STRN: variants seen among roughly 807,000 people sequenced by gnomAD.
STRN encodes striatin, also known as protein phosphatase 2 regulatory subunit B'''alpha.
STRN carries 53 observed loss-of-function variants against 96.3 expected under a neutral mutation model. That is an observed-to-expected ratio of 0.55 (90% confidence interval 0.44 to 0.69). STRN has a LOEUF of 0.69. Ranked by LOEUF, STRN falls within the 30% of genes least tolerant of loss-of-function variation. The pLI is 0.00. For missense variants in STRN, 987 were observed against 963.9 expected (o/e 1.02, Z -0.32); for synonymous variants, 428 against 355.9 (o/e 1.20, Z -2.28).
At chr2:36,961,644 T>A (rs1665032383) in intron 1 of STRN, among the ~76,000 whole-genome samples, 1 of 152,194 alleles carries the variant, frequency 6.6e-6, no homozygotes, top group South Asian at 2.1e-4. Context: ...CCCCTGCTGC[T>A]TCTACTTGTT....
intron 15 of STRN, among the ~76,000 whole-genome samples, chr2:36,851,973 C>G (rs926184342): frequency 1.3e-5 from 2 of 152,132 alleles, no homozygotes; most frequent in African/African-American, 4.8e-5. Flanking sequence ...AAAGAAACTT[C>G]AATTATACAC....
chr2:36,917,168 GT>G (rs897854726), intron 2 of STRN, among the ~76,000 whole-genome samples: 13 of 149,046 alleles, frequency 8.7e-5, no homozygotes, highest in African/African-American at 1.2e-4. Context: ...AAATTTGAAA[GT>G]TTTTTTTTTC....
chr2:36,936,539 T>C (rs1210134059), intron 1 of STRN, among the ~76,000 whole-genome samples: 4 of 152,188 alleles, frequency 2.6e-5, no homozygotes, highest in Non-Finnish European at 4.4e-5. Flanking sequence ...ATTACATATA[T>C]AGATCAAAAT....
chr2:36,962,797 C>T (rs1051103015), intron 1 of STRN, among the ~76,000 whole-genome samples: 7 of 152,046 alleles, frequency 4.6e-5, no homozygotes, highest in Non-Finnish European at 7.4e-5. Flanking sequence ...TGTGAGCCAC[C>T]GCGCCCGGCC....
chr2:36,961,017 C>T (rs1431718632), intron 1 of STRN, among the ~76,000 whole-genome samples: 2 of 151,858 alleles, frequency 1.3e-5, no homozygotes, highest in Non-Finnish European at 2.9e-5. Context: ...CCATCTCAGC[C>T]TCACGAGTAG....
At chr2:36,950,622 A>G (rs1411681683) in intron 1 of STRN, among the ~76,000 whole-genome samples, 1 of 152,198 alleles carries the variant, frequency 6.6e-6, no homozygotes, top group South Asian at 2.1e-4. Context: ...AGCCAAGACC[A>G]TATCTGCCTC....
intron 3 of STRN, among the ~76,000 whole-genome samples, chr2:36,914,524 A>C (rs941634724): frequency 4.6e-5 from 7 of 152,230 alleles, no homozygotes; most frequent in African/African-American, 1.7e-4. Flanking sequence ...AAGACAGAAT[A>C]TTAAAAAACA....
intron 1 of STRN, among the ~76,000 whole-genome samples, chr2:36,933,988 T>C (rs1452326144): frequency 6.6e-6 from 1 of 152,036 alleles, no homozygotes; most frequent in Non-Finnish European, 1.5e-5. Flanking sequence ...GGCGGGCGCC[T>C]GTAGTCCCAG....
chr2:36,887,085 A>G (rs914882663), intron 7 of STRN, among the ~76,000 whole-genome samples: 5 of 139,796 alleles, frequency 3.6e-5, no homozygotes. Context: ...ACACACACAC[A>G]CGGAAGATTT....
chr2:36,946,078 G>C (rs1460708900), intron 1 of STRN, among the ~76,000 whole-genome samples: 3 of 151,656 alleles, frequency 2.0e-5, no homozygotes. Context: ...AAAAAGAGAG[G>C]TATAAATACT....
At chr2:36,852,963 C>CCTGGCCAACATGGTGAAACT (rs1668256685) in intron 15 of STRN, among the ~76,000 whole-genome samples, 1 of 152,142 alleles carries the variant, frequency 6.6e-6, no homozygotes, top group Non-Finnish European at 1.5e-5. Flanking sequence ...TCGAGACCAG[C>CCTGGCCAACATGGTGAAACT]CTGGCCAACA....
chr2:36,885,226 G>C (rs1204858635), intron 8 of STRN, among the ~76,000 whole-genome samples: 1 of 152,128 alleles, frequency 6.6e-6, no homozygotes, highest in African/African-American at 2.4e-5. Flanking sequence ...CAATGGAAAA[G>C]TAGATGGATT....
chr2:36,840,098 A>C lies in STRN; in HGVS notation c.*9358T>G, dbSNP rs1008189725. 1 of 152,260 alleles carries C rather than the reference A, an allele frequency of 6.6e-6. No individual in the cohort carries two copies. Among genetic ancestry groups the C allele is most frequent in the African/African-American group, 2.4e-5 (1 of 41,450 alleles). 9.4% of individuals were successfully genotyped at this position (152,260 alleles called of 1,614,324 possible). On this transcript the variant is annotated 3_prime_UTR_variant, in exon 18 of 18. Coordinates refer to ENST00000263918, the MANE Select transcript of STRN (RefSeq NM_003162.4). ...CCCCAGAGGGATGCCTTTCCTGACA[A>C]GATTCCACTGGGAGGTTCGTCTTTC...
intron 1 of STRN, among the ~76,000 whole-genome samples, chr2:36,957,414 C>T (rs887352590): frequency 2.0e-5 from 3 of 152,074 alleles, no homozygotes; most frequent in African/African-American, 7.2e-5. Context: ...ATGGCAAAAC[C>T]TCGTCTCTAC....
intron 14 of STRN, among the ~76,000 whole-genome samples, chr2:36,855,966 T>C (rs1668334159): frequency 1.3e-5 from 2 of 152,148 alleles, no homozygotes; most frequent in Non-Finnish European, 2.9e-5. Flanking sequence ...AATCTGATTT[T>C]TTTCATTTGG....
chr2:36,921,505 C>T (rs999936012), intron 2 of STRN, among the ~76,000 whole-genome samples: 2 of 152,222 alleles, frequency 1.3e-5, no homozygotes, highest in African/African-American at 4.8e-5. Flanking sequence ...CATCATGCGT[C>T]CCCTTCACAT....
At chr2:36,903,738 G>GT (rs1315808446) in intron 4 of STRN, among the ~76,000 whole-genome samples, 1 of 152,104 alleles carries the variant, frequency 6.6e-6, no homozygotes, top group Non-Finnish European at 1.5e-5. Context: ...GGGAGTAAGT[G>GT]TATCTTACCA....
intron 6 of STRN, among the ~76,000 whole-genome samples, chr2:36,897,970 C>A (rs918317423): frequency 2.0e-5 from 3 of 152,068 alleles, no homozygotes; most frequent in Admixed American, 2.0e-4. Context: ...GGGTTACAGG[C>A]ACAAGCCACT....
At chr2:36,962,682 T>C (rs1401954360) in intron 1 of STRN, among the ~76,000 whole-genome samples, 2 of 152,170 alleles carry the variant, frequency 1.3e-5, no homozygotes, top group Admixed American at 1.3e-4. Flanking sequence ...CTAATTTTTG[T>C]ATTTTTAGCA....
Sources: gnomAD v4.1 joint callset for allele counts (sites outside exome capture counted in the v4.1 genomes callset) on GRCh38, gnomAD v4.1.1 for gene constraint, MANE v1.5 for transcripts, NCBI Gene and HGNC (gene_info 2026-07-23, HGNC 2026-07-21) for gene names.